Variants in EFCAB13 observed in about 807,000 individuals in gnomAD.
EFCAB13 encodes EF-hand calcium binding domain 13.
Under a neutral mutation model 110.2 loss-of-function variants are expected in EFCAB13, and 91 were observed. The ratio of observed to expected loss-of-function variants is 0.83; its 90% CI spans 0.70 to 0.98. The LOEUF is 0.98. EFCAB13 is among the 50% of genes least tolerant of loss of function. The probability of loss-of-function intolerance (pLI) is 0.00; values close to 1 mark genes in which losing one functional copy is unlikely to be tolerated. For missense variants in EFCAB13, 968 were observed against 1,119.4 expected, an observed-to-expected ratio of 0.86 and a Z score of 1.93; for synonymous variants, 323 against 369.9, an observed-to-expected ratio of 0.87 and a Z score of 1.45.
At chr17:47,379,761 T>C (rs2065636472) in intron 14 of EFCAB13, among the ~76,000 whole-genome samples, 1 of 121,574 alleles carries the variant, frequency 8.2e-6, no homozygotes, top group Non-Finnish European at 1.9e-5. Context: ...TTTATACAAA[T>C]GATTAAATAT....
At chr17:47,415,534 G>C (rs1424645713) in intron 23 of EFCAB13, among the ~76,000 whole-genome samples, 1 of 151,988 alleles carries the variant, frequency 6.6e-6, no homozygotes, top group Non-Finnish European at 1.5e-5. Flanking sequence ...ATATAATGAG[G>C]GGGAAAACAA....
chr17:47,336,188 G>A lies in EFCAB13; in HGVS notation c.191+832G>A, dbSNP rs559288371. 2.2e-4 allele frequency among the ~76,000 whole-genome samples: 34 copies of A among 151,164 alleles called. 1 individual carries two copies. The highest frequency in any genetic ancestry group is 1.3e-3 in the South Asian group (6 of 4,794). On this transcript the variant is annotated intron_variant, in intron 5 of 24. Coordinates refer to ENST00000331493, the MANE Select transcript of EFCAB13 (RefSeq NM_152347.5). ...GTCACCCAGGCTGGAGTGCAGTGGCGCAGCCATGGCTCACTGCAACCTCCA... is the reference window on the plus strand; with the variant it reads ...GTCACCCAGGCTGGAGTGCAGTGGCACAGCCATGGCTCACTGCAACCTCCA...
intron 4 of EFCAB13, among the ~76,000 whole-genome samples, chr17:47,332,879 A>C (rs1262488087): frequency 6.6e-6 from 1 of 152,174 alleles, no homozygotes; most frequent in Non-Finnish European, 1.5e-5. Context: ...TGAATATGGG[A>C]GTGCAGATAT....
intron 14 of EFCAB13, among the ~76,000 whole-genome samples, chr17:47,382,865 C>A (rs1258957582): frequency 6.6e-6 from 1 of 152,246 alleles, no homozygotes; most frequent in African/African-American, 2.4e-5. Context: ...ATGCTACCAG[C>A]CCCTCCTTGT....
intron 23 of EFCAB13, among the ~76,000 whole-genome samples, chr17:47,422,151 A>C (rs1904741552): frequency 6.6e-6 from 1 of 152,108 alleles, no homozygotes; most frequent in East Asian, 1.9e-4. Context: ...TAATTAACAA[A>C]AATAAAAATA....
At chr17:47,404,194 T>G (rs1480132073) in intron 19 of EFCAB13, among the ~76,000 whole-genome samples, 173 bp downstream of exon 19, 1 of 152,148 alleles carries the variant, frequency 6.6e-6, no homozygotes, top group Non-Finnish European at 1.5e-5. Flanking sequence ...CGGGTCTAGA[T>G]TTTGTGGAAG....
chr17:47,399,951 G>T (rs975435388), intron 17 of EFCAB13, among the ~76,000 whole-genome samples: 2 of 152,178 alleles, frequency 1.3e-5, no homozygotes, highest in Non-Finnish European at 2.9e-5. Flanking sequence ...ATGGAAAATG[G>T]TCAAGGTGAA....
chr17:47,421,632 A>AAAAG (rs1555588435), intron 23 of EFCAB13, among the ~76,000 whole-genome samples: 1 of 56,300 alleles, frequency 1.8e-5, no homozygotes, highest in Non-Finnish European at 3.4e-5. Flanking sequence ...AATAAAAAAA[A>AAAAG]GAAAGAAAGA....
intron 18 of EFCAB13, among the ~76,000 whole-genome samples, chr17:47,403,366 A>C (rs2065788833): frequency 6.6e-6 from 1 of 152,180 alleles, no homozygotes; most frequent in Admixed American, 6.5e-5. Context: ...ACAGTTGCAC[A>C]GTTCCAGGTT....
intron 9 of EFCAB13, among the ~76,000 whole-genome samples, chr17:47,351,051 C>A (rs534849998): frequency 6.6e-6 from 1 of 151,924 alleles, no homozygotes; most frequent in Admixed American, 6.6e-5. Flanking sequence ...AATTTTTCAT[C>A]CTTCACCCCC....
At position 47,404,038 on chromosome 17, in the gene EFCAB13, T is replaced by C. The variant is rs964243373; in HGVS notation, c.2161+17T>C. ...TTGTTTCTGGTAAGCATTTTAAATA[T>C]TACTCTCAGGTTTTTTTTTTGTAGG... On this transcript the variant is annotated intron_variant, in intron 19 of 24. Transcript: ENST00000331493. 6 of 1,572,788 alleles carry C rather than the reference T, an allele frequency of 3.8e-6. No individual in the cohort carries two copies. Among genetic ancestry groups the C allele is most frequent in the African/African-American group, 2.8e-5 (2 of 72,516 alleles).
Position 47,327,646 on chromosome 17 carries a change from G to A in EFCAB13, c.-85-623G>A, listed in dbSNP as rs938768611. On this transcript the variant is annotated intron_variant, in intron 3 of 24. Transcript: ENST00000331493. The stretch of plus-strand genomic sequence containing the variant: ...ATTGATTTGTATTTTTAGTAGATAC[G>A]GGGTTTCACCATATTGACCAGGATG... 5.3e-5 allele frequency among the ~76,000 whole-genome samples: 8 copies of A among 152,068 alleles called. No individual in the cohort carries two copies. The South Asian group carries it at 1.2e-3, about 24-fold the overall frequency.
At chr17:47,396,565 T>G (rs888058349) in intron 17 of EFCAB13, among the ~76,000 whole-genome samples, 2 of 152,230 alleles carry the variant, frequency 1.3e-5, no homozygotes, top group Non-Finnish European at 2.9e-5. Flanking sequence ...GGTAGACATT[T>G]CTACTCTCTC....
intron 18 of EFCAB13, among the ~76,000 whole-genome samples, chr17:47,403,117 A>G (rs1006593710): frequency 1.3e-5 from 2 of 152,218 alleles, no homozygotes; most frequent in Non-Finnish European, 2.9e-5. Context: ...AGGAATAGAA[A>G]GTGAGGCAGG....
chr17:47,337,775 G>T lies in EFCAB13; in HGVS notation c.191+2419G>T, dbSNP rs140530737. ...AGGAGATGGGTTGATTACAAAAGTT[G>T]TTTTTCAGGAATTCTTACTGGCTTA... On this transcript the variant is annotated intron_variant, in intron 5 of 24. Transcript: ENST00000331493. Among the ~76,000 whole-genome samples the T allele has an allele frequency of 4.1e-3, 629 of 152,256 alleles. 16 individuals carry two copies. The East Asian group carries it at 0.065, about 16-fold the overall frequency.
chr17:47,340,865 C>G (rs1182327993), intron 5 of EFCAB13, among the ~76,000 whole-genome samples: 1 of 145,772 alleles, frequency 6.9e-6, no homozygotes, highest in Non-Finnish European at 1.5e-5. Flanking sequence ...ATTTGCCCAC[C>G]TTGGCTTCCC....
At chr17:47,440,197 C>T (rs561541053) in intron 24 of EFCAB13, among the ~76,000 whole-genome samples, 1 of 151,752 alleles carries the variant, frequency 6.6e-6, no homozygotes, top group Non-Finnish European at 1.5e-5. Flanking sequence ...TTTAAAGATG[C>T]CATTGTAATA....
chr17:47,373,947 A>C (rs2065599404), intron 11 of EFCAB13, among the ~76,000 whole-genome samples: 1 of 152,176 alleles, frequency 6.6e-6, no homozygotes, highest in Non-Finnish European at 1.5e-5. Flanking sequence ...AACATCAGAT[A>C]AATTTTGTAA....
chr17:47,440,600 GGTAA>G lies in EFCAB13; in HGVS notation c.2814_2817del (p.Ser938ArgfsTer6). The G allele has an allele frequency of 6.2e-7, 1 of 1,612,790 alleles. No individual in the cohort carries two copies. The highest frequency in any genetic ancestry group is 8.5e-7 in the Non-Finnish European group (1 of 1,179,450). ...TACAGGATTCGATAGTTAAAGCACA[GGTAA>G]GTAAGAAGCAATACAATATGAATAT... On this transcript the variant is annotated frameshift_variant, in exon 25 of 25. Coordinates refer to ENST00000331493, the MANE Select transcript of EFCAB13 (RefSeq NM_152347.5). LOFTEE classifies it high-confidence loss of function.
Sources: gnomAD v4.1 joint callset for allele counts (sites outside exome capture counted in the v4.1 genomes callset) on GRCh38, gnomAD v4.1.1 for gene constraint, MANE v1.5 for transcripts, NCBI Gene and HGNC (gene_info 2026-07-23, HGNC 2026-07-21) for gene names.